VSIG10: variants seen among roughly 807,000 people sequenced by gnomAD.
VSIG10 encodes the protein V-set and immunoglobulin domain-containing protein 10.
VSIG10 carries 48 observed loss-of-function variants against 58.7 expected under a neutral mutation model. That is an observed-to-expected ratio of 0.82 (90% CI 0.65 to 1.04). The LOEUF (loss-of-function observed/expected upper bound fraction) is 1.04. Among genes scored for constraint, VSIG10 ranks in the 50% least tolerant of loss-of-function variants. The pLI, the probability that VSIG10 is intolerant of heterozygous loss-of-function variation, is 0.00. For missense variants in VSIG10, 628 were observed against 670.0 expected (o/e 0.94, Z 0.69); for synonymous variants, 260 against 267.1 (o/e 0.97, Z 0.26).
rs2032875842 is a variant in VSIG10 at position 118,079,736 on chromosome 12, C to G, written c.665-130G>C. ...CCCAGTTAGTGTTAGCATCTAATAG[C>G]TCCTAGCACAAATTCATGCCTGACA... is the stretch of plus-strand genomic sequence containing the variant. On this transcript the variant is annotated intron_variant, in intron 3 of 8. Transcript: ENST00000359236. 2.3e-6 allele frequency: 3 copies of G among 1,280,712 alleles called. No homozygotes were observed. The African/African-American group carries it at 4.4e-5, about 19-fold the overall frequency. 79.3% of individuals were successfully genotyped at this position (1,280,712 alleles called of 1,614,324 possible).
In VSIG10 at chr12:118,103,775, C is replaced by T. The variant is rs2033682150; in HGVS notation, c.-104G>A. ...GTACCGAGGGCTCCTCCCAGGTCCT[C>T]GGAACGGCAGAGTGGCCCCACTTCC... On this transcript the variant is annotated 5_prime_UTR_variant, in exon 1 of 9. Transcript: ENST00000359236. The T allele has an allele frequency of 8.6e-7, 1 of 1,165,092 alleles. No homozygotes were observed. Among genetic ancestry groups the T allele is most frequent in the Non-Finnish European group, 1.1e-6 (1 of 884,692 alleles). 72.2% of individuals were successfully genotyped at this position (1,165,092 alleles called of 1,614,324 possible).
chr12:118,069,442 T>TTTTG (rs2032394535), intron 7 of VSIG10, among the ~76,000 whole-genome samples: 1 of 146,808 alleles, frequency 6.8e-6, no homozygotes, highest in Non-Finnish European at 1.5e-5. Flanking sequence ...TTTTTTTTTT[T>TTTTG]GAGACAGAGT....
Position 118,082,209 on chromosome 12 carries a change from G to A in VSIG10, c.582C>T (p.Asn194=), listed in dbSNP as rs368243582. ...CTAAACAGGTGTAGTTCCCTTGGAGGTTTGGCGATATCAGTAACAGTGAGA... is the reference window on the plus strand; with the variant it reads ...CTAAACAGGTGTAGTTCCCTTGGAGATTTGGCGATATCAGTAACAGTGAGA... ...NFFSLLLISP[N]LQGNYTCLAL... Residue 194 remains asparagine, a synonymous_variant, in exon 3 of 9, where the codon AAC becomes AAT. Transcript: ENST00000359236. The A allele has an allele frequency of 8.7e-6, 14 of 1,613,914 alleles. No individual in the cohort carries two copies. In the African/African-American group the frequency reaches 1.7e-4, roughly 20 times the overall value.
At chr12:118,079,755 C>T in intron 3 of VSIG10, 149 bp from the exon 4 acceptor site, 1 of 1,144,658 alleles carries the variant, frequency 8.7e-7, no homozygotes, top group Non-Finnish European at 1.2e-6. Flanking sequence ...CAAATTCATG[C>T]CTGACAACAG....
chr12:118,093,202 G>A (rs1244247292), intron 2 of VSIG10, among the ~76,000 whole-genome samples: 1 of 151,688 alleles, frequency 6.6e-6, no homozygotes, highest in Non-Finnish European at 1.5e-5. Flanking sequence ...GGGAGGCTGA[G>A]GCAGGAGAAT....
chr12:118,095,689 A>T lies in VSIG10; in HGVS notation c.205T>A (p.Ser69Thr), dbSNP rs368515794. 8.1e-6 allele frequency: 13 copies of T among 1,613,794 alleles called. No individual in the cohort carries two copies. In the East Asian group the frequency reaches 2.9e-4, roughly 36 times the overall value. The change falls in exon 2 of 9, where the codon TCC becomes ACC. Residue 69 changes from serine to threonine, a missense_variant. Ser to Thr is a moderately conservative substitution (Grantham distance 58). Coordinates refer to ENST00000359236, the MANE Select transcript of VSIG10 (RefSeq NM_019086.6). ...NNSEPVFLLS[S>T]NSSLRPAEPR... is the part of the protein sequence containing the mutation. ...TCAGCTGGCCGGAGGCTAGAGTTGGACGAGAGAAGGAAGACAGGCTCCGAG... is the reference window on the plus strand; with the variant it reads ...TCAGCTGGCCGGAGGCTAGAGTTGGTCGAGAGAAGGAAGACAGGCTCCGAG...
chr12:118,084,152 C>A (rs1451916926), intron 2 of VSIG10, among the ~76,000 whole-genome samples: 1 of 152,102 alleles, frequency 6.6e-6, no homozygotes, highest in East Asian at 1.9e-4. Flanking sequence ...AAAAGCTTTG[C>A]CAAATCCTGT....
intron 4 of VSIG10, among the ~76,000 whole-genome samples, chr12:118,075,194 A>ATG (rs1491173226): frequency 3.0e-4 from 32 of 105,580 alleles, no homozygotes; most frequent in African/African-American, 1.3e-3. Context: ...GTATATATAT[A>ATG]TGTGTGTGTG....
intron 1 of VSIG10, among the ~76,000 whole-genome samples, chr12:118,100,938 C>T (rs17878718): frequency 0.12 from 18,958 of 152,276 alleles, 1,506 homozygotes; most frequent in South Asian, 0.21. Context: ...TGTGTTCATG[C>T]AACCTGCAGA....
chr12:118,088,416 C>A (rs1297958730), intron 2 of VSIG10, among the ~76,000 whole-genome samples: 4 of 152,048 alleles, frequency 2.6e-5, no homozygotes, highest in African/African-American at 4.8e-5. Context: ...CTCCTTCCAC[C>A]GTTACCCTCA....
chr12:118,099,404 C>T (rs992786063), intron 1 of VSIG10, among the ~76,000 whole-genome samples: 13 of 152,072 alleles, frequency 8.5e-5, no homozygotes, highest in Non-Finnish European at 1.6e-4. Flanking sequence ...CTCGGGCTCG[C>T]AAAGTGGTGG....
intron 4 of VSIG10, among the ~76,000 whole-genome samples, chr12:118,077,330 C>T (rs971489586): frequency 2.6e-5 from 4 of 152,146 alleles, no homozygotes; most frequent in Non-Finnish European, 4.4e-5. Flanking sequence ...TACCATCTCA[C>T]GGAGACCTCC....
chr12:118,081,822 G>C (rs371551479), intron 3 of VSIG10, among the ~76,000 whole-genome samples: 33 of 152,310 alleles, frequency 2.2e-4, no homozygotes, highest in Middle Eastern at 3.4e-3. Context: ...TTCAAGACCA[G>C]CCTGACCAAC....
chr12:118,097,519 G>T (rs2033496806), intron 1 of VSIG10, among the ~76,000 whole-genome samples: 1 of 151,934 alleles, frequency 6.6e-6, no homozygotes, highest in South Asian at 2.1e-4. Flanking sequence ...GGAGGCTGAG[G>T]CACGAGAATC....
chr12:118,079,656 A>C (rs1470474709), intron 3 of VSIG10, 50 bp from the exon 4 acceptor site: 22 of 1,601,198 alleles, frequency 1.4e-5, no homozygotes, highest in African/African-American at 4.0e-5. Context: ...CTCTAGGATC[A>C]GCCACTGGAC....
intron 1 of VSIG10, among the ~76,000 whole-genome samples, chr12:118,096,082 C>T (rs1460023582): frequency 6.6e-6 from 1 of 151,950 alleles, no homozygotes; most frequent in East Asian, 1.9e-4. Context: ...CGTGCCACCA[C>T]GCCCAGCTAA....
rs150823347 is a variant in VSIG10 at position 118,095,995 on chromosome 12, G to A, written c.80-181C>T. On this transcript the variant is annotated intron_variant, in intron 1 of 8. Transcript: ENST00000359236. ...GGCTGGAGTGCAATGGCACTATCTC[G>A]CCTAACTGCAACCTCTGCCTCCCGG... Among the ~76,000 whole-genome samples the A allele has an allele frequency of 1.9e-3, 264 of 138,148 alleles. 1 individual carries two copies. The highest frequency in any genetic ancestry group is 6.9e-3 in the South Asian group (31 of 4,520). The allele number at this position is 138,148 out of a possible 152,430, so 90.6% of individuals were successfully genotyped here. A position where few individuals can be genotyped will look rare whatever the true frequency, so the allele number is the denominator to read the frequency against.
At position 118,071,029 on chromosome 12, in the gene VSIG10, G is replaced by A. The variant is rs773669219; in HGVS notation, c.1346+23C>T. The A allele has an allele frequency of 4.2e-5, 67 of 1,600,470 alleles. 1 individual carries two copies. In the South Asian group the frequency reaches 6.1e-4, roughly 15 times the overall value. ...AGACAGATGCGGGAATGGGTGTTTG[G>A]TTTGATTCTAGGGAACACTCACCTG... On this transcript the variant is annotated intron_variant, in intron 7 of 8. Coordinates refer to ENST00000359236, the MANE Select transcript of VSIG10 (RefSeq NM_019086.6).
intron 7 of VSIG10, among the ~76,000 whole-genome samples, chr12:118,069,516 C>T (rs1483254025): frequency 1.3e-5 from 2 of 150,114 alleles, no homozygotes; most frequent in African/African-American, 4.9e-5. Flanking sequence ...ACCTCTGCCT[C>T]CCAGGTTCAA....
Sources: gnomAD v4.1 joint callset for allele counts (sites outside exome capture counted in the v4.1 genomes callset) on GRCh38, gnomAD v4.1.1 for gene constraint, MANE v1.5 for transcripts, NCBI Gene and HGNC (gene_info 2026-07-23, HGNC 2026-07-21) for gene names.